NID1: variants seen among roughly 807,000 people sequenced by gnomAD.
NID1 encodes nidogen-1.
Under a neutral mutation model 130.6 loss-of-function variants are expected in NID1, and 76 were observed. That is an observed-to-expected ratio of 0.58 (90% CI 0.48 to 0.70). NID1 has a LOEUF of 0.70. Among genes scored for constraint, NID1 ranks in the 30% least tolerant of loss-of-function variants. The pLI, the probability that NID1 is intolerant of heterozygous loss-of-function variation, is 0.00. For synonymous variants in NID1, 665 were observed against 675.1 expected (o/e 0.98, Z 0.23); for missense variants, 1,517 against 1,664.8 (o/e 0.91, Z 1.54).
chr1:235,982,641 G>A (rs1657471358), intron 15 of NID1, among the ~76,000 whole-genome samples: 1 of 152,072 alleles, frequency 6.6e-6, no homozygotes, highest in African/African-American at 2.4e-5. Flanking sequence ...CAAACCCTCA[G>A]CACCCATCTA....
chr1:236,024,028 C>T (rs752419946), intron 9 of NID1, 42 bp downstream of exon 9: 2 of 1,608,320 alleles, frequency 1.2e-6, no homozygotes, highest in Admixed American at 1.7e-5. Flanking sequence ...CTCCTCCTCG[C>T]CTGATTTCCC....
chr1:236,031,104 C>T (rs540324135), intron 6 of NID1, among the ~76,000 whole-genome samples: 1 of 151,866 alleles, frequency 6.6e-6, no homozygotes, highest in Admixed American at 6.6e-5. Flanking sequence ...CAGGTTCAAT[C>T]CTTTTCTTTT....
rs1284200300 is a variant in NID1, at chr1:235,993,804, G to A, written c.2596C>T (p.Gln866Ter). Residue 866 changes from glutamine to a stop codon, truncating the protein, a stop_gained, in exon 13 of 20, where the codon CAG becomes TAG. Transcript: ENST00000264187. LOFTEE classifies it high-confidence loss of function. The stretch of plus-strand genomic sequence containing the variant: ...AACAGCCCCGGAGGAATGGGTCGCT[G>A]TGGGTCTGTCGCCCCCGCTGCCCCG... The part of the protein sequence containing the change: ...ILGAAGATDP[Q>*]RPIPPGLFVP... 1 of 1,614,074 alleles carries A rather than the reference G, an allele frequency of 6.2e-7. No homozygotes were observed. Among genetic ancestry groups the A allele is most frequent in the African/African-American group, 1.3e-5 (1 of 74,958 alleles).
intron 9 of NID1, among the ~76,000 whole-genome samples, chr1:236,018,271 T>C (rs991858493): frequency 1.7e-4 from 26 of 152,198 alleles, no homozygotes; most frequent in African/African-American, 6.3e-4. Context: ...ATCCAACTAC[T>C]CAGCCTCAGT....
intron 9 of NID1, among the ~76,000 whole-genome samples, chr1:236,022,256 GA>G (rs1658786296): frequency 1.3e-5 from 2 of 151,854 alleles, no homozygotes; most frequent in Admixed American, 1.3e-4. Context: ...AACAGAGTGA[GA>G]CCCTGTCTCA....
intron 9 of NID1, 43 bp downstream of exon 9, chr1:236,024,027 G>C (rs368683666): frequency 6.2e-7 from 1 of 1,607,684 alleles, no homozygotes; most frequent in East Asian, 2.2e-5. Flanking sequence ...CCTCCTCCTC[G>C]CCTGATTTCC....
intron 8 of NID1, 40 bp from the exon 9 acceptor site, chr1:236,024,253 G>A: frequency 6.2e-7 from 1 of 1,608,284 alleles, no homozygotes; most frequent in Non-Finnish European, 8.5e-7. Flanking sequence ...GAGTCTTCAG[G>A]AGCTCTTGCA....
At chr1:236,002,451 C>T (rs543523309) in intron 12 of NID1, among the ~76,000 whole-genome samples, 4 of 152,124 alleles carry the variant, frequency 2.6e-5, no homozygotes, top group Non-Finnish European at 4.4e-5. Context: ...TGCAGTGAGC[C>T]GAGATGGCAC....
intron 5 of NID1, among the ~76,000 whole-genome samples, chr1:236,034,851 T>C (rs993516889): frequency 6.6e-6 from 1 of 152,196 alleles, no homozygotes; most frequent in Non-Finnish European, 1.5e-5. Flanking sequence ...GCATTGTTTA[T>C]ATTTGATGTG....
Position 235,993,740 on chromosome 1 carries a change from G to T in NID1, c.2660C>A (p.Thr887Asn). 1 of 1,613,030 alleles carries T rather than the reference G, an allele frequency of 6.2e-7. No homozygotes were observed. The highest frequency in any genetic ancestry group is 8.5e-7 in the Non-Finnish European group (1 of 1,179,398). Reference sequence around the variant, plus strand: ...GTAGCCGGTGCTGCCGTGGCACTGGGTGGGCGCGTAGTGCCCGTGCGCATC... The same window carrying T: ...GTAGCCGGTGCTGCCGTGGCACTGGTTGGGCGCGTAGTGCCCGTGCGCATC... ...ECDAHGHYAP[T>N]QCHGSTGYCW... The change falls in exon 13 of 20, where the codon ACC becomes AAC. Residue 887 changes from threonine to asparagine, a missense_variant. Around this residue, in one of 3 missense-constraint regions of NID1, gnomAD observed 1,329 missense variants for 1,429.2 expected, o/e 0.93. Coordinates refer to ENST00000264187, the MANE Select transcript of NID1 (RefSeq NM_002508.3).
At chr1:236,014,186 T>C (rs1395209865) in intron 10 of NID1, among the ~76,000 whole-genome samples, 1 of 151,528 alleles carries the variant, frequency 6.6e-6, no homozygotes, top group Non-Finnish European at 1.5e-5. Context: ...TGGCCTTAGA[T>C]AAATTGCCTT....
At chr1:236,045,134 G>A (rs918735359) in intron 3 of NID1, among the ~76,000 whole-genome samples, 2 of 150,960 alleles carry the variant, frequency 1.3e-5, no homozygotes, top group Non-Finnish European at 2.9e-5. Flanking sequence ...GGGAGGCAGA[G>A]GTTGCAGTGA....
intron 1 of NID1, among the ~76,000 whole-genome samples, chr1:236,055,547 G>A (rs910845615): frequency 6.6e-6 from 1 of 151,818 alleles, no homozygotes; most frequent in Non-Finnish European, 1.5e-5. Context: ...TCTAGCCACT[G>A]GGGAGGCTGA....
intron 9 of NID1, among the ~76,000 whole-genome samples, chr1:236,018,757 G>A (rs1658672508): frequency 6.6e-6 from 1 of 152,196 alleles, no homozygotes; most frequent in Non-Finnish European, 1.5e-5. Context: ...ATTTAGACAT[G>A]TTTTAGACCT....
intron 13 of NID1, among the ~76,000 whole-genome samples, chr1:235,993,390 C>T (rs922807347): frequency 1.1e-4 from 15 of 137,690 alleles, no homozygotes; most frequent in African/African-American, 4.9e-4. Context: ...GTATTTACAC[C>T]CTACACGTGT....
chr1:236,054,166 T>C (rs887763967), intron 1 of NID1, among the ~76,000 whole-genome samples: 5 of 152,184 alleles, frequency 3.3e-5, no homozygotes, highest in African/African-American at 4.8e-5. Flanking sequence ...TTAAAAATTC[T>C]AAGAGATGGC....
chr1:236,043,595 G>A (rs965611535), intron 3 of NID1, among the ~76,000 whole-genome samples: 1 of 152,024 alleles, frequency 6.6e-6, no homozygotes, highest in African/African-American at 2.4e-5. Flanking sequence ...TCAGGAGATC[G>A]AGACCATCCT....
intron 5 of NID1, 108 bp downstream of exon 5, chr1:236,037,994 ACT>A (rs1659310951): frequency 7.7e-7 from 1 of 1,292,730 alleles, no homozygotes; most frequent in East Asian, 2.5e-5. Flanking sequence ...CATAAGAAAA[ACT>A]CTACACACCT....
chr1:235,986,793 T>G, intron 14 of NID1, among the ~76,000 whole-genome samples: 1 of 152,200 alleles, frequency 6.6e-6, no homozygotes, highest in South Asian at 2.1e-4. Context: ...ATTCACTCTC[T>G]TAAACCATCA....
Sources: gnomAD v4.1 joint callset for allele counts (sites outside exome capture counted in the v4.1 genomes callset) on GRCh38, gnomAD v4.1.1 for gene constraint, gnomAD v4.1.1 regional missense constraint, MANE v1.5 for transcripts, NCBI Gene and HGNC (gene_info 2026-07-23, HGNC 2026-07-21) for gene names.